GAS7: variants seen among roughly 807,000 people sequenced by gnomAD.
GAS7 encodes the protein growth arrest specific 7, also known as growth arrest-specific protein 7.
GAS7 carries 28 observed loss-of-function variants against 71.1 expected under a neutral mutation model. The observed-to-expected ratio is 0.39, with a 90% CI of 0.29 to 0.54. GAS7 has a LOEUF of 0.54. Ranked by LOEUF, GAS7 falls within the 20% of genes least tolerant of loss-of-function variation. The pLI, the probability that GAS7 is intolerant of heterozygous loss-of-function variation, is 0.62. For missense variants in GAS7, 436 were observed against 627.8 expected, an observed-to-expected ratio of 0.69 and a Z score of 3.27; for synonymous variants, 258 against 245.8, an observed-to-expected ratio of 1.05 and a Z score of -0.46.
chr17:10,033,337 G>GAGAGAGAC (rs1297223528), intron 1 of GAS7, among the ~76,000 whole-genome samples: 1 of 152,140 alleles, frequency 6.6e-6, no homozygotes, highest in African/African-American at 2.4e-5. Context: ...CCCAGAGAGA[G>GAGAGAGAC]AGAGAGACAG....
At chr17:9,967,509 A>C (rs1415364038) in intron 4 of GAS7, among the ~76,000 whole-genome samples, 1 of 152,140 alleles carries the variant, frequency 6.6e-6, no homozygotes, top group Non-Finnish European at 1.5e-5. Context: ...AGACAGAGCC[A>C]CCGTACGTTT....
chr17:9,938,703 T>C (rs560338259), intron 8 of GAS7, among the ~76,000 whole-genome samples: 2 of 152,060 alleles, frequency 1.3e-5, no homozygotes, highest in African/African-American at 2.4e-5. Flanking sequence ...GTCTGGGACA[T>C]CTTGTGGCAG....
chr17:10,185,475 C>A (rs549688963), intron 1 of GAS7, among the ~76,000 whole-genome samples: 1 of 152,158 alleles, frequency 6.6e-6, no homozygotes, highest in Non-Finnish European at 1.5e-5. Context: ...TCCTGGGAAA[C>A]TTAGAAAAAT....
At chr17:9,979,959 T>C (rs2070352713) in intron 3 of GAS7, among the ~76,000 whole-genome samples, 1 of 151,884 alleles carries the variant, frequency 6.6e-6, no homozygotes, top group East Asian at 1.9e-4. Context: ...AACGGGCCCA[T>C]TTCTGGGGAC....
intron 2 of GAS7, among the ~76,000 whole-genome samples, chr17:10,005,157 G>GTGCATGTACATGCATACATGCATGTGTA (rs1567880037): frequency 2.3e-5 from 2 of 88,424 alleles, no homozygotes; most frequent in East Asian, 5.4e-4. Context: ...ATGCATGCAT[G>GTGCATGTACATGCATACATGCATGTGTA]TGTGTGCGCA....
chr17:9,935,405 C>T (rs1208931952), intron 8 of GAS7, among the ~76,000 whole-genome samples: 1 of 152,220 alleles, frequency 6.6e-6, no homozygotes, highest in Non-Finnish European at 1.5e-5. Flanking sequence ...TCTTTAACCG[C>T]ATGACCCTTC....
chr17:10,005,155 A>G (rs759381106), intron 2 of GAS7, among the ~76,000 whole-genome samples: 21 of 35,408 alleles, frequency 5.9e-4, no homozygotes, highest in Middle Eastern at 0.013. Context: ...GCATGCATGC[A>G]TGTGTGTGCG....
chr17:9,983,327 C>A (rs544347046), intron 2 of GAS7, among the ~76,000 whole-genome samples: 1 of 152,014 alleles, frequency 6.6e-6, no homozygotes, highest in African/African-American at 2.4e-5. Context: ...CCCATCTCCA[C>A]CAAAAATACA....
intron 1 of GAS7, among the ~76,000 whole-genome samples, chr17:10,032,048 A>G (rs1309758774): frequency 6.6e-6 from 1 of 151,612 alleles, no homozygotes; most frequent in African/African-American, 2.4e-5. Context: ...ACAGCTCCAG[A>G]AATAACAAGG....
chr17:10,017,323 CTTTT>C (rs1209394276), intron 2 of GAS7, among the ~76,000 whole-genome samples: 2 of 142,048 alleles, frequency 1.4e-5, no homozygotes, highest in Non-Finnish European at 3.1e-5. Flanking sequence ...TCATCTTCCA[CTTTT>C]TTTTTTTTTT....
chr17:10,054,854 C>T (rs2073114508), intron 1 of GAS7, among the ~76,000 whole-genome samples: 1 of 152,128 alleles, frequency 6.6e-6, no homozygotes, highest in South Asian at 2.1e-4. Flanking sequence ...GCTCCCTGAG[C>T]CTGGGCCTAA....
At chr17:9,971,547 A>G (rs551586420) in intron 3 of GAS7, among the ~76,000 whole-genome samples, 16 of 152,244 alleles carry the variant, frequency 1.1e-4, no homozygotes, top group African/African-American at 2.6e-4. Context: ...CCCACACTTC[A>G]GAGTGTGACA....
intron 1 of GAS7, among the ~76,000 whole-genome samples, chr17:10,153,479 G>A (rs1478949425): frequency 6.9e-6 from 1 of 144,010 alleles, no homozygotes; most frequent in Non-Finnish European, 1.5e-5. Flanking sequence ...TCATGCCACT[G>A]CACTCCAGCC....
chr17:10,129,146 T>C (rs1303317044), intron 1 of GAS7, among the ~76,000 whole-genome samples: 1 of 152,076 alleles, frequency 6.6e-6, no homozygotes, highest in Non-Finnish European at 1.5e-5. Context: ...CGATGAGAGA[T>C]ACAAACATAC....
intron 2 of GAS7, among the ~76,000 whole-genome samples, chr17:10,003,589 C>A (rs76120718): frequency 0.035 from 5,270 of 152,252 alleles, 147 homozygotes; most frequent in Non-Finnish European, 0.049. Context: ...CTCACAGAAG[C>A]GACTCTTTTG....
Position 9,943,113 on chromosome 17 carries a change from G to A in GAS7, c.731+8C>T, listed in dbSNP as rs768090622. On this transcript the variant is annotated splice_region_variant and intron_variant, in intron 7 of 13. Transcript: ENST00000432992. ...AGGCCCCAGGGCTGGGAGGGGCCCA[G>A]GCTTCACCTTTCCCGGATGAATTCT... The A allele has an allele frequency of 1.9e-6, 3 of 1,579,764 alleles. No individual in the cohort carries two copies. In the South Asian group the frequency reaches 3.3e-5, roughly 17 times the overall value.
At chr17:9,922,539 C>T (rs976260857) in intron 11 of GAS7, among the ~76,000 whole-genome samples, 3 of 152,210 alleles carry the variant, frequency 2.0e-5, no homozygotes, top group Non-Finnish European at 4.4e-5. Context: ...GGAGGCTGGC[C>T]ACAGCGAGTG....
At chr17:10,099,464 G>C (rs2073677444) in intron 1 of GAS7, among the ~76,000 whole-genome samples, 1 of 152,208 alleles carries the variant, frequency 6.6e-6, no homozygotes, top group South Asian at 2.1e-4. Context: ...TCCGAGAGCA[G>C]CATCTTTCCA....
At chr17:9,998,689 A>G (rs576792933) in intron 2 of GAS7, among the ~76,000 whole-genome samples, 1 of 151,958 alleles carries the variant, frequency 6.6e-6, no homozygotes, top group Non-Finnish European at 1.5e-5. Context: ...GAAAAGGAAA[A>G]GGAAAAGGAA....
Sources: gnomAD v4.1 joint callset for allele counts (sites outside exome capture counted in the v4.1 genomes callset) on GRCh38, gnomAD v4.1.1 for gene constraint, MANE v1.5 for transcripts, NCBI Gene and HGNC (gene_info 2026-07-23, HGNC 2026-07-21) for gene names.